Variants in CDH11 observed in about 807,000 individuals in gnomAD.
CDH11 encodes cadherin-11.
A neutral mutation model predicts 67.8 loss-of-function variants in CDH11; 11 were observed. That is an observed-to-expected ratio of 0.16 (90% CI 0.10 to 0.27). The LOEUF (loss-of-function observed/expected upper bound fraction) is 0.27. Among genes scored for constraint, CDH11 ranks in the 10% least tolerant of loss-of-function variants. The pLI, the probability that CDH11 is intolerant of heterozygous loss-of-function variation, is 1.00. For missense variants in CDH11, 847 were observed against 1,031.2 expected (o/e 0.82, Z 2.45); for synonymous variants, 419 against 400.0 (o/e 1.05, Z -0.57).
chr16:65,000,918 C>T (rs1227317943), intron 3 of CDH11, among the ~76,000 whole-genome samples: 4 of 145,686 alleles, frequency 2.7e-5, no homozygotes, highest in Non-Finnish European at 6.1e-5. Context: ...ATGCCATTTT[C>T]ATATTTTTGT....
intron 1 of CDH11, among the ~76,000 whole-genome samples, chr16:65,074,681 GACAA>G (rs1002988942): frequency 5.9e-5 from 9 of 151,934 alleles, no homozygotes; most frequent in Non-Finnish European, 1.0e-4. Flanking sequence ...CACAGAGAGA[GACAA>G]ACAGACAGAC....
intron 8 of CDH11, among the ~76,000 whole-genome samples, chr16:64,975,891 G>A (rs1236789705): frequency 2.0e-5 from 3 of 152,008 alleles, no homozygotes; most frequent in Admixed American, 2.0e-4. Flanking sequence ...AAAAGAAAAA[G>A]AGGAAAAATC....
intron 3 of CDH11, among the ~76,000 whole-genome samples, chr16:65,003,948 T>C (rs970932633): frequency 1.3e-5 from 2 of 152,104 alleles, no homozygotes. Flanking sequence ...AAAGCTATGA[T>C]AAAGGGTCCA....
chr16:64,977,823 G>A (rs1390954917), intron 8 of CDH11, among the ~76,000 whole-genome samples: 3 of 152,180 alleles, frequency 2.0e-5, no homozygotes, highest in Non-Finnish European at 1.5e-5. Context: ...ATGTCAGTGA[G>A]AACTGACTGA....
rs901461597 is a variant in CDH11, at chr16:64,991,696, G to C, written c.811+72C>G. 4 of 1,110,732 alleles carry C rather than the reference G, an allele frequency of 3.6e-6. No homozygotes were observed. In the South Asian group the frequency reaches 4.6e-5, roughly 13 times the overall value. The allele number at this position is 1,110,732 out of a possible 1,614,324, so 68.8% of individuals were successfully genotyped here. On this transcript the variant is annotated intron_variant, in intron 6 of 12. Coordinates refer to ENST00000268603, the MANE Select transcript of CDH11 (RefSeq NM_001797.4). ...TTCTTTTTGATACCTCAGTAAAGCA[G>C]GAATAGGTTAGAGGAGGGAGAGAGC...
At chr16:65,022,012 A>G (rs1176289922) in intron 2 of CDH11, among the ~76,000 whole-genome samples, 1 of 152,134 alleles carries the variant, frequency 6.6e-6, no homozygotes, top group African/African-American at 2.4e-5. Context: ...ACAAAAATTG[A>G]ATGCAGGCCT....
rs945569098 is a variant in CDH11, at chr16:64,975,907, C to T, written c.1254-2867G>A. Among the ~76,000 whole-genome samples the T allele has an allele frequency of 7.2e-5, 11 of 151,860 alleles. No homozygotes were observed. The South Asian group carries it at 1.3e-3, about 17-fold the overall frequency. ...AAAGAAAAAGAGGAAAAATCAATTACCAGGAAGGAAAGGTTGACATTTAAT... is the reference window on the plus strand; with the variant it reads ...AAAGAAAAAGAGGAAAAATCAATTATCAGGAAGGAAAGGTTGACATTTAAT... On this transcript the variant is annotated intron_variant, in intron 8 of 12. Transcript: ENST00000268603.
At chr16:65,014,885 C>T (rs989098876) in intron 2 of CDH11, among the ~76,000 whole-genome samples, 12 of 151,296 alleles carry the variant, frequency 7.9e-5, no homozygotes, top group East Asian at 1.9e-4. Context: ...GATGGAGTTT[C>T]GCTCTTTTTG....
At chr16:65,101,567 C>T (rs1284003303) in intron 1 of CDH11, among the ~76,000 whole-genome samples, 6 of 151,850 alleles carry the variant, frequency 4.0e-5, no homozygotes, top group African/African-American at 9.7e-5. Flanking sequence ...TCTTCTCTTC[C>T]CTCCCTACTC....
chr16:64,955,357 T>C (rs1418679987), intron 11 of CDH11, among the ~76,000 whole-genome samples: 3 of 151,850 alleles, frequency 2.0e-5, no homozygotes, highest in South Asian at 2.1e-4. Flanking sequence ...CAAAAGAACC[T>C]GGGAGGTGGA....
At chr16:65,021,017 G>C (rs1193865153) in intron 2 of CDH11, among the ~76,000 whole-genome samples, 1 of 151,916 alleles carries the variant, frequency 6.6e-6, no homozygotes, top group African/African-American at 2.4e-5. Context: ...CCCCAAAAAG[G>C]GAATCAGCCC....
At chr16:65,005,605 G>A (rs895029601) in intron 2 of CDH11, among the ~76,000 whole-genome samples, 1 of 152,166 alleles carries the variant, frequency 6.6e-6, no homozygotes, top group Admixed American at 6.5e-5. Context: ...AAGGGATGTA[G>A]GGGAAGATCC....
chr16:64,983,272 G>C (rs912656969), intron 7 of CDH11: 1 of 152,118 alleles, frequency 6.6e-6, no homozygotes, highest in Admixed American at 6.6e-5. Context: ...TGTAGTTATA[G>C]GGAAATTGAT....
chr16:65,112,079 AAAAAAAAAAG>A (rs954295116), intron 1 of CDH11, among the ~76,000 whole-genome samples: 11 of 151,684 alleles, frequency 7.3e-5, no homozygotes, highest in Non-Finnish European at 1.3e-4. Context: ...CAAAAAAAAA[AAAAAAAAAAG>A]AATAAGTGCA....
At chr16:64,952,425 G>A (rs144566131) in intron 11 of CDH11, among the ~76,000 whole-genome samples, 1 of 152,120 alleles carries the variant, frequency 6.6e-6, no homozygotes, top group Non-Finnish European at 1.5e-5. Flanking sequence ...AATATTTGTT[G>A]AACAAATGGC....
chr16:65,074,824 CTAAT>C (rs1219984537), intron 1 of CDH11, among the ~76,000 whole-genome samples: 3 of 152,122 alleles, frequency 2.0e-5, no homozygotes, highest in Non-Finnish European at 2.9e-5. Flanking sequence ...TAACTTGTTC[CTAAT>C]TATTATACAG....
intron 1 of CDH11, chr16:65,072,283 G>A (rs1369636389): frequency 6.6e-6 from 1 of 152,438 alleles, no homozygotes; most frequent in African/African-American, 2.4e-5. Flanking sequence ...GAGCCACTGT[G>A]GTAAGACACA....
At chr16:65,013,247 G>A (rs2073219355) in intron 2 of CDH11, among the ~76,000 whole-genome samples, 1 of 152,134 alleles carries the variant, frequency 6.6e-6, no homozygotes, top group Non-Finnish European at 1.5e-5. Context: ...ACAATGCAGA[G>A]GCCCTGCTAC....
intron 1 of CDH11, among the ~76,000 whole-genome samples, chr16:65,084,023 A>G (rs951879081): frequency 1.3e-5 from 2 of 152,206 alleles, no homozygotes. Flanking sequence ...AGTAGATACC[A>G]GGGATGCTCC....
Sources: gnomAD v4.1 joint callset for allele counts (sites outside exome capture counted in the v4.1 genomes callset) on GRCh38, gnomAD v4.1.1 for gene constraint, MANE v1.5 for transcripts, NCBI Gene and HGNC (gene_info 2026-07-23, HGNC 2026-07-21) for gene names.